Variants in AGBL3 observed in about 807,000 individuals in gnomAD.
AGBL3 encodes cytosolic carboxypeptidase 3.
A neutral mutation model predicts 94.5 loss-of-function variants in AGBL3; 68 were observed. The ratio of observed to expected loss-of-function variants is 0.72; its 90% CI spans 0.59 to 0.88. The LOEUF is 0.88. Ranked by LOEUF, AGBL3 falls within the 40% of genes least tolerant of loss-of-function variation. The probability of loss-of-function intolerance (pLI) is 0.00; values close to 1 mark genes in which losing one functional copy is unlikely to be tolerated. For synonymous variants in AGBL3, 354 were observed against 370.7 expected, an observed-to-expected ratio of 0.95 and a Z score of 0.52; for missense variants, 934 against 1,103.8, an observed-to-expected ratio of 0.85 and a Z score of 2.18.
intron 12 of AGBL3, among the ~76,000 whole-genome samples, chr7:135,067,018 A>T (rs2116743071): frequency 6.6e-6 from 1 of 152,286 alleles, no homozygotes; most frequent in Middle Eastern, 3.4e-3. Context: ...GGCACCTGGA[A>T]AATCAGGTCA....
intron 15 of AGBL3, among the ~76,000 whole-genome samples, chr7:135,098,500 T>G (rs1823265273): frequency 6.6e-6 from 1 of 152,306 alleles, no homozygotes; most frequent in South Asian, 2.1e-4. Context: ...CTCAGTTGGT[T>G]AAATCCACGG....
At chr7:135,134,777 A>C in intron 16 of AGBL3, 64 bp from the exon 17 acceptor site, 1 of 1,370,410 alleles carries the variant, frequency 7.3e-7, no homozygotes, top group African/African-American at 1.5e-5. Context: ...CTATGACAAC[A>C]TACCTAGGAC....
At chr7:135,038,601 A>G (rs1431007638) in intron 8 of AGBL3, among the ~76,000 whole-genome samples, 1 of 152,210 alleles carries the variant, frequency 6.6e-6, no homozygotes. Context: ...GGCCTTCCAC[A>G]TCATCTAAAG....
At chr7:135,081,036 T>G (rs1053255621) in intron 14 of AGBL3, among the ~76,000 whole-genome samples, 15 of 151,920 alleles carry the variant, frequency 9.9e-5, no homozygotes, top group African/African-American at 3.6e-4. Context: ...GAACCATGCC[T>G]AGGAAAGGGA....
intron 12 of AGBL3, among the ~76,000 whole-genome samples, chr7:135,075,166 C>T (rs1449754399): frequency 6.6e-6 from 1 of 152,130 alleles, no homozygotes; most frequent in African/African-American, 2.4e-5. Context: ...CTGACCATTT[C>T]CATGATCATA....
At chr7:135,067,930 A>G (rs1389263681) in intron 12 of AGBL3, among the ~76,000 whole-genome samples, 2 of 152,208 alleles carry the variant, frequency 1.3e-5, no homozygotes, top group Non-Finnish European at 2.9e-5. Flanking sequence ...CAGACAATCA[A>G]ACTACTCCAA....
At chr7:135,026,875 A>G (rs1250603842) in intron 5 of AGBL3, among the ~76,000 whole-genome samples, 7 of 151,510 alleles carry the variant, frequency 4.6e-5, no homozygotes. Context: ...GCTCTATCTT[A>G]TTAATTGGCC....
At chr7:135,127,187 C>T (rs1827997447) in intron 16 of AGBL3, among the ~76,000 whole-genome samples, 1 of 152,188 alleles carries the variant, frequency 6.6e-6, no homozygotes, top group Non-Finnish European at 1.5e-5. Context: ...AAACAGACAA[C>T]CCCATCAAAA....
intron 11 of AGBL3, among the ~76,000 whole-genome samples, chr7:135,058,674 A>C (rs181015529): frequency 2.6e-5 from 4 of 152,238 alleles, no homozygotes; most frequent in African/African-American, 9.6e-5. Flanking sequence ...CACATTCCCA[A>C]ACCTTTATAT....
intron 12 of AGBL3, among the ~76,000 whole-genome samples, chr7:135,074,104 G>A (rs113714527): frequency 5.9e-5 from 9 of 152,298 alleles, no homozygotes; most frequent in African/African-American, 9.6e-5. Flanking sequence ...TGGTAACTAT[G>A]TGAGGTGATA....
rs1167033989 is a variant in AGBL3 at position 134,986,558 on chromosome 7, C to T, written c.-203C>T. 2 of 152,250 alleles carry T rather than the reference C, an allele frequency of 1.3e-5. No individual in the cohort carries two copies. Among genetic ancestry groups the T allele is most frequent in the African/African-American group, 4.8e-5 (2 of 41,384 alleles). 9.4% of individuals were successfully genotyped at this position (152,250 alleles called of 1,614,324 possible). ...TGTGGCTGGGGCTGCGGATCTCCAG[C>T]AGTGGCGTTACTTCTAGCGGCTGGA... On this transcript the variant is annotated 5_prime_UTR_variant, in exon 1 of 17. It introduces an in-frame stop codon into an upstream open reading frame of the 5' UTR. Transcript: ENST00000436302.
At chr7:135,125,045 AAGATT>A (rs1371973705) in intron 16 of AGBL3, among the ~76,000 whole-genome samples, 1 of 152,166 alleles carries the variant, frequency 6.6e-6, no homozygotes, top group Non-Finnish European at 1.5e-5. Flanking sequence ...AGAAATAACT[AAGATT>A]AGAGCAGAAT....
Position 135,080,260 on chromosome 7 carries a change from G to C in AGBL3, c.2038G>C (p.Asp680His). 1 of 1,548,140 alleles carries C rather than the reference G, an allele frequency of 6.5e-7. No individual in the cohort carries two copies. The highest frequency in any genetic ancestry group is 8.7e-7 in the Non-Finnish European group (1 of 1,144,274). The change falls in exon 14 of 17, where the codon GAT (aspartate) becomes CAT (histidine). Residue 680 changes from aspartate to histidine, a missense_variant and splice_region_variant. Around this residue, in one of 3 missense-constraint regions of AGBL3, gnomAD observed 441 missense variants for 518.2 expected, o/e 0.85. Transcript: ENST00000436302. ...RHTQSNSDVK[D>H]TRPNEPDDYM... ...CACACAATCAAATTCTGATGTGAAA[G>C]GTAATATTCTGCTTCTACCTTCTCA...
intron 5 of AGBL3, among the ~76,000 whole-genome samples, chr7:135,025,304 C>T (rs985476496): frequency 5.3e-5 from 8 of 151,536 alleles, no homozygotes; most frequent in Middle Eastern, 3.2e-3. Context: ...CAGAAGGGGG[C>T]CTATTTTCAG....
intron 15 of AGBL3, among the ~76,000 whole-genome samples, chr7:135,106,512 C>T (rs962420035): frequency 1.6e-4 from 24 of 152,170 alleles, no homozygotes; most frequent in Admixed American, 2.6e-4. Context: ...TGATGAATCA[C>T]ATTTCTTGAT....
Position 135,135,109 on chromosome 7 carries a change from A to C in AGBL3, c.2611A>C (p.Asn871His), listed in dbSNP as rs566090447. ...TASSSFGMDANVLKYKSLQAE... is the reference protein window; with the variant it reads ...TASSSFGMDAHVLKYKSLQAE... ...TTCTTCAAGCTTTGGAATGGATGCA[A>C]ATGTTCTAAAATATAAGAGTCTTCA... is the stretch of plus-strand genomic sequence containing the variant. The change falls in exon 17 of 17, where the codon AAT becomes CAT. Residue 871 changes from asparagine (N) to histidine (H), a missense_variant. Physicochemically the swap from Asn to His is moderately conservative, Grantham distance 68 (BLOSUM62 1). Coordinates refer to ENST00000436302, the MANE Select transcript of AGBL3 (RefSeq NM_178563.4). 19 of 1,551,170 alleles carry C rather than the reference A, an allele frequency of 1.2e-5. No homozygotes were observed. The African/African-American group carries it at 2.3e-4, about 19-fold the overall frequency.
intron 16 of AGBL3, among the ~76,000 whole-genome samples, chr7:135,124,161 A>G (rs1025813966): frequency 5.3e-5 from 8 of 152,154 alleles, no homozygotes; most frequent in Admixed American, 4.6e-4. Flanking sequence ...CTTATGTGCA[A>G]AGACACACAT....
chr7:135,131,186 A>G lies in AGBL3; in HGVS notation c.2343-3655A>G, dbSNP rs148889080. 1.4e-3 allele frequency among the ~76,000 whole-genome samples: 207 copies of G among 152,330 alleles called. 3 individuals are homozygous for G. The highest frequency in any genetic ancestry group is 4.9e-3 in the African/African-American group (202 of 41,568). The stretch of plus-strand genomic sequence containing the variant: ...AGGGACGTGGATGAAGCTGGAAGCC[A>G]TCATCTTCAGCAAACTTAATACAGG... On this transcript the variant is annotated intron_variant, in intron 16 of 16. Coordinates refer to ENST00000436302, the MANE Select transcript of AGBL3 (RefSeq NM_178563.4).
At chr7:135,055,102 TCAC>T (rs1410362014) in intron 11 of AGBL3, among the ~76,000 whole-genome samples, 3 of 152,212 alleles carry the variant, frequency 2.0e-5, no homozygotes, top group Non-Finnish European at 4.4e-5. Context: ...AACGAATCCA[TCAC>T]CACAACTAAT....
Sources: allele counts gnomAD v4.1 joint callset (sites outside exome capture counted in the v4.1 genomes callset), GRCh38; gene constraint gnomAD v4.1.1; regional missense constraint gnomAD v4.1.1; transcripts MANE v1.5; gene names NCBI Gene and HGNC (gene_info 2026-07-23, HGNC 2026-07-21).